The following GPC5 variants were observed in gnomAD, a reference collection of about 807,000 sequenced individuals.
GPC5 encodes glypican 5.
GPC5 carries 47 observed loss-of-function variants against 53.9 expected under a neutral mutation model. That is an observed-to-expected ratio of 0.87 (90% CI 0.69 to 1.11). The LOEUF (loss-of-function observed/expected upper bound fraction) is 1.11. GPC5 is among the 50% of genes most tolerant of loss of function. The pLI is 0.00. For synonymous variants in GPC5, 286 were observed against 263.3 expected (o/e 1.09, Z -0.84); for missense variants, 748 against 713.1 (o/e 1.05, Z -0.56).
At chr13:92,500,572 C>G (rs988999529) in intron 7 of GPC5, among the ~76,000 whole-genome samples, 2 of 152,122 alleles carry the variant, frequency 1.3e-5, no homozygotes, top group African/African-American at 4.8e-5. Flanking sequence ...ATAACTCTAT[C>G]CTGAGGCTTT....
chr13:92,839,941 T>C (rs1047368016), intron 7 of GPC5, among the ~76,000 whole-genome samples: 3 of 151,780 alleles, frequency 2.0e-5, no homozygotes, highest in Admixed American at 2.0e-4. Context: ...CTCTCCAGAC[T>C]ACAAATCCCT....
intron 6 of GPC5, among the ~76,000 whole-genome samples, chr13:91,951,470 G>A (rs1388345506): frequency 6.6e-6 from 1 of 152,156 alleles, no homozygotes; most frequent in Admixed American, 6.5e-5. Flanking sequence ...CAGTGTTAAA[G>A]TACATTCATA....
At chr13:91,695,611 G>A (rs908132786) in intron 3 of GPC5, among the ~76,000 whole-genome samples, 3 of 152,100 alleles carry the variant, frequency 2.0e-5, no homozygotes, top group South Asian at 2.1e-4. Flanking sequence ...TCCTGACCTC[G>A]TGACCTGCCC....
chr13:92,740,199 C>T (rs1889047765), intron 7 of GPC5, among the ~76,000 whole-genome samples: 1 of 152,030 alleles, frequency 6.6e-6, no homozygotes, highest in African/African-American at 2.4e-5. Context: ...TGAGCCCACC[C>T]TCCCACTTTC....
chr13:91,944,930 C>T (rs745895887), intron 6 of GPC5, among the ~76,000 whole-genome samples: 2 of 152,094 alleles, frequency 1.3e-5, no homozygotes, highest in Non-Finnish European at 1.5e-5. Flanking sequence ...AACTCTGAGG[C>T]CAAAATGATT....
At position 92,296,432 on chromosome 13, in the gene GPC5, G is replaced by A. The variant is rs189219997; in HGVS notation, c.1561+151443G>A. Among the ~76,000 whole-genome samples the A allele has an allele frequency of 2.1e-3, 326 of 152,274 alleles. 1 individual carries two copies. Among genetic ancestry groups the A allele is most frequent in the Admixed American group, 4.5e-3 (69 of 15,300 alleles). ...TCCTTGGGCAGGTCTTGCTGCTGCTGCTGTGGGGGATGGGGGTGAGATTCC... is the reference window on the plus strand; with the variant it reads ...TCCTTGGGCAGGTCTTGCTGCTGCTACTGTGGGGGATGGGGGTGAGATTCC... On this transcript the variant is annotated intron_variant, in intron 7 of 7. Coordinates refer to ENST00000377067, the MANE Select transcript of GPC5 (RefSeq NM_004466.6).
intron 6 of GPC5, among the ~76,000 whole-genome samples, chr13:92,138,903 T>G (rs1238410951): frequency 6.6e-6 from 1 of 151,898 alleles, no homozygotes; most frequent in Non-Finnish European, 1.5e-5. Flanking sequence ...TACAGTTCTG[T>G]CCCTGCTGCA....
At chr13:92,863,862 C>G (rs910430825) in intron 7 of GPC5, among the ~76,000 whole-genome samples, 2 of 152,102 alleles carry the variant, frequency 1.3e-5, no homozygotes, top group Admixed American at 1.3e-4. Context: ...TTTTTAATAA[C>G]GCAATTTTCT....
chr13:91,564,944 A>G (rs978523477), intron 2 of GPC5, among the ~76,000 whole-genome samples: 1 of 149,724 alleles, frequency 6.7e-6, no homozygotes, highest in African/African-American at 2.5e-5. Context: ...TTTCTAGGTC[A>G]TGGTTAGTTA....
chr13:91,994,696 G>C (rs565505681), intron 6 of GPC5: 6 of 152,192 alleles, frequency 3.9e-5, no homozygotes, highest in Admixed American at 2.0e-4. Context: ...AACAGAACAG[G>C]GTACTTAGCC....
intron 7 of GPC5, among the ~76,000 whole-genome samples, chr13:92,157,523 T>C (rs1302042663): frequency 6.6e-6 from 1 of 152,168 alleles, no homozygotes; most frequent in East Asian, 1.9e-4. Context: ...AAGAGAATCC[T>C]GGCTTTTGAA....
intron 4 of GPC5, among the ~76,000 whole-genome samples, chr13:91,755,274 A>G (rs2037265584): frequency 6.6e-6 from 1 of 152,088 alleles, no homozygotes; most frequent in Non-Finnish European, 1.5e-5. Context: ...TTTTAAACAC[A>G]TTATATTTTT....
intron 2 of GPC5, among the ~76,000 whole-genome samples, chr13:91,577,186 T>C (rs2032170368): frequency 6.6e-6 from 1 of 152,226 alleles, no homozygotes; most frequent in Admixed American, 6.5e-5. Context: ...GATTGTGGAC[T>C]TCCTTTTAGC....
chr13:92,095,812 C>T (rs1306216162), intron 6 of GPC5, among the ~76,000 whole-genome samples: 2 of 152,130 alleles, frequency 1.3e-5, no homozygotes, highest in Non-Finnish European at 2.9e-5. Flanking sequence ...GGATTACAGG[C>T]GTGAGCCACT....
intron 7 of GPC5, among the ~76,000 whole-genome samples, chr13:92,750,939 A>G (rs1233387422): frequency 1.3e-5 from 2 of 151,740 alleles, no homozygotes; most frequent in African/African-American, 2.4e-5. Flanking sequence ...CTATAGAAAC[A>G]AAAAAGAATG....
intron 7 of GPC5, among the ~76,000 whole-genome samples, chr13:92,290,766 G>C (rs979484720): frequency 6.6e-6 from 1 of 152,240 alleles, no homozygotes; most frequent in Admixed American, 6.5e-5. Context: ...CGCCTCCTCT[G>C]TCTGGGCTCC....
At chr13:92,526,993 T>C (rs1393228629) in intron 7 of GPC5, among the ~76,000 whole-genome samples, 2 of 150,968 alleles carry the variant, frequency 1.3e-5, no homozygotes, top group Non-Finnish European at 3.0e-5. Flanking sequence ...TTGCTAAATT[T>C]AAGGCAATAT....
chr13:92,809,551 T>C (rs1877217756), intron 7 of GPC5, among the ~76,000 whole-genome samples: 1 of 152,210 alleles, frequency 6.6e-6, no homozygotes, highest in African/African-American at 2.4e-5. Context: ...AGTTGCATCA[T>C]GGTACACCTG....
chr13:91,629,730 A>G (rs555296565), intron 2 of GPC5, among the ~76,000 whole-genome samples: 3 of 152,244 alleles, frequency 2.0e-5, no homozygotes, highest in African/African-American at 7.2e-5. Flanking sequence ...AAAGTTGTAA[A>G]ATGTCAGTAA....
Sources: gnomAD v4.1 joint callset for allele counts (sites outside exome capture counted in the v4.1 genomes callset) on GRCh38, gnomAD v4.1.1 for gene constraint, MANE v1.5 for transcripts, NCBI Gene and HGNC (gene_info 2026-07-23, HGNC 2026-07-21) for gene names.